NDFIP2: variants seen among roughly 807,000 people sequenced by gnomAD.
The protein encoded by NDFIP2 is NEDD4 family-interacting protein 2.
Under a neutral mutation model 36.0 loss-of-function variants are expected in NDFIP2, and 19 were observed. The ratio of observed to expected loss-of-function variants is 0.53; its 90% confidence interval spans 0.37 to 0.77. The LOEUF (loss-of-function observed/expected upper bound fraction) is 0.77, where lower values mean the gene tolerates loss of function less well. Among genes scored for constraint, NDFIP2 ranks in the 30% least tolerant of loss-of-function variants. The pLI is 0.00. For missense variants in NDFIP2, 446 were observed against 435.8 expected, an observed-to-expected ratio of 1.02 and a Z score of -0.21; for synonymous variants, 181 against 167.7, an observed-to-expected ratio of 1.08 and a Z score of -0.61.
intron 1 of NDFIP2, among the ~76,000 whole-genome samples, chr13:79,493,024 G>A (rs1412590235): frequency 1.3e-5 from 2 of 151,434 alleles, no homozygotes; most frequent in African/African-American, 2.4e-5. Flanking sequence ...CAAGTTCTGC[G>A]TGTTCTTTTA....
In NDFIP2 at chr13:79,509,837, C is replaced by A. The variant is rs572769025; in HGVS notation, c.322-10973C>A. On this transcript the variant is annotated intron_variant, in intron 1 of 7. Coordinates refer to ENST00000218652, the MANE Select transcript of NDFIP2 (RefSeq NM_019080.3). The stretch of plus-strand genomic sequence containing the variant: ...TCTGATGTTTGAGGGCAGGAAGCAT[C>A]CAGCACAGGAAAAAGATGTAAGCAG... 1.2e-4 allele frequency among the ~76,000 whole-genome samples: 18 copies of A among 152,214 alleles called. 1 individual carries two copies. The South Asian group carries it at 3.7e-3, about 32-fold the overall frequency.
chr13:79,536,484 GCTCT>G (rs1033457951), intron 3 of NDFIP2, among the ~76,000 whole-genome samples: 3 of 152,172 alleles, frequency 2.0e-5, no homozygotes, highest in Non-Finnish European at 2.9e-5. Flanking sequence ...TTCTGTTACA[GCTCT>G]CTATTTTAAA....
chr13:79,481,292 C>T lies in NDFIP2; in HGVS notation c.89C>T (p.Thr30Ile). ...GGCGCCCCGGAGCTTCTCCGCGGAA[C>T]CGCGACCAACGCGGAGGTCTCGGCG... ...ARGAPELLRG[T>I]ATNAEVSAAA... is the part of the protein sequence containing the mutation. Residue 30 changes from threonine to isoleucine, a missense_variant, in exon 1 of 8, where the codon ACC (threonine) becomes ATC (isoleucine). By Grantham distance (89) the Thr-to-Ile change is moderately conservative. Coordinates refer to ENST00000218652, the MANE Select transcript of NDFIP2 (RefSeq NM_019080.3). 1.9e-6 allele frequency: 3 copies of T among 1,539,832 alleles called. No homozygotes were observed. The highest frequency in any genetic ancestry group is 1.2e-5 in the South Asian group (1 of 83,996).
intron 6 of NDFIP2, among the ~76,000 whole-genome samples, chr13:79,549,415 T>C (rs1875815452): frequency 6.6e-6 from 1 of 151,924 alleles, no homozygotes; most frequent in South Asian, 2.1e-4. Context: ...TGTGTGTATA[T>C]ATATATTATT....
intron 3 of NDFIP2, among the ~76,000 whole-genome samples, chr13:79,534,350 G>GTTTTT (rs532659161): frequency 1.8e-3 from 169 of 95,378 alleles, no homozygotes; most frequent in South Asian, 4.3e-3. Context: ...TTTGTCAGCT[G>GTTTTT]TTTTTTTTTT....
intron 2 of NDFIP2, among the ~76,000 whole-genome samples, chr13:79,522,517 T>A (rs1874626330): frequency 6.6e-6 from 1 of 152,338 alleles, no homozygotes; most frequent in Non-Finnish European, 1.5e-5. Context: ...ATCAATCATT[T>A]ATTACTGTTA....
chr13:79,531,846 T>C (rs962927721), intron 2 of NDFIP2, among the ~76,000 whole-genome samples: 8 of 152,260 alleles, frequency 5.3e-5, no homozygotes, highest in Admixed American at 2.6e-4. Flanking sequence ...ATTACTCATG[T>C]GTTCACTGTA....
rs139821502 is a variant in NDFIP2 at position 79,509,503 on chromosome 13, T to C, written c.322-11307T>C. On this transcript the variant is annotated intron_variant, in intron 1 of 7. Transcript: ENST00000218652. ...CTTCTTATCAGACCTACAGAGTCTG[T>C]TCTGTCAGCCTTAAGGTCTGTTTTG... Among the ~76,000 whole-genome samples, 324 of 152,160 alleles carry C rather than the reference T, an allele frequency of 2.1e-3. 3 individuals carry two copies. Among genetic ancestry groups the C allele is most frequent in the African/African-American group, 7.1e-3 (293 of 41,516 alleles).
rs909026385 is a variant in NDFIP2, at chr13:79,541,458, T to G, written c.715+1683T>G. 1.3e-5 allele frequency among the ~76,000 whole-genome samples: 2 copies of G among 151,502 alleles called. 1 individual carries two copies. The highest frequency in any genetic ancestry group is 4.8e-5 in the African/African-American group (2 of 41,384). ...AATATATATTTTACTAAATTTTTAC[T>G]AAATTGTTTCCACAACTTATATATT... is the stretch of plus-strand genomic sequence containing the variant. On this transcript the variant is annotated intron_variant, in intron 4 of 7. Transcript: ENST00000218652.
At chr13:79,526,587 C>T (rs1160581454) in intron 2 of NDFIP2, among the ~76,000 whole-genome samples, 1 of 152,050 alleles carries the variant, frequency 6.6e-6, no homozygotes, top group Non-Finnish European at 1.5e-5. Context: ...ATAGAGTCAT[C>T]CAAGGACTTT....
chr13:79,518,950 A>G (rs1874455825), intron 1 of NDFIP2: 1 of 152,358 alleles, frequency 6.6e-6, no homozygotes, highest in Non-Finnish European at 1.5e-5. Flanking sequence ...CTGGGACTAC[A>G]GTCACATGCC....
chr13:79,497,174 A>T (rs1205737937), intron 1 of NDFIP2, among the ~76,000 whole-genome samples: 1 of 152,022 alleles, frequency 6.6e-6, no homozygotes. Context: ...CCATAGATTC[A>T]GATTGTAAGC....
At position 79,487,098 on chromosome 13, in the gene NDFIP2, A is replaced by G. The variant is rs538439562; in HGVS notation, c.321+5574A>G. On this transcript the variant is annotated intron_variant, in intron 1 of 7. Transcript: ENST00000218652. ...CAACATATACATTTTGGAGAGACAC[A>G]AACATTCAGTTTGTACCACTGCCCT... Among the ~76,000 whole-genome samples the G allele has an allele frequency of 2.0e-5, 3 of 152,284 alleles. No homozygotes were observed. In the East Asian group the frequency reaches 5.8e-4, roughly 29 times the overall value.
chr13:79,523,207 GTTGT>G (rs1223822950), intron 2 of NDFIP2, among the ~76,000 whole-genome samples: 10 of 152,002 alleles, frequency 6.6e-5, no homozygotes, highest in Admixed American at 1.3e-4. Flanking sequence ...TATACATACT[GTTGT>G]TTGTTTGTTT....
At chr13:79,533,767 C>T (rs1254509134) in intron 3 of NDFIP2, among the ~76,000 whole-genome samples, 2 of 150,726 alleles carry the variant, frequency 1.3e-5, no homozygotes, top group East Asian at 3.9e-4. Context: ...TATGTATTAT[C>T]GACTGTTTAT....
chr13:79,534,003 C>G (rs1875125529), intron 3 of NDFIP2, among the ~76,000 whole-genome samples: 1 of 152,138 alleles, frequency 6.6e-6, no homozygotes. Flanking sequence ...CCTTGACTTC[C>G]TCTTTTCTAT....
At chr13:79,488,151 T>C (rs1270683178) in intron 1 of NDFIP2, among the ~76,000 whole-genome samples, 2 of 152,132 alleles carry the variant, frequency 1.3e-5, no homozygotes, top group Admixed American at 6.6e-5. Flanking sequence ...AAAAAACTAA[T>C]TGAGGAAATG....
chr13:79,521,149 ATG>A (rs1874566685), intron 2 of NDFIP2, among the ~76,000 whole-genome samples, 174 bp downstream of exon 2: 1 of 152,090 alleles, frequency 6.6e-6, no homozygotes, highest in African/African-American at 2.4e-5. Flanking sequence ...ACACATATAT[ATG>A]TGTGTATGTA....
chr13:79,543,898 AAAT>A (rs1490989171), intron 5 of NDFIP2, among the ~76,000 whole-genome samples: 2 of 152,158 alleles, frequency 1.3e-5, no homozygotes, highest in African/African-American at 4.8e-5. Flanking sequence ...AAGAACTTTG[AAAT>A]AATAAAAATT....
Sources: gnomAD v4.1 joint callset for allele counts (sites outside exome capture counted in the v4.1 genomes callset) on GRCh38, gnomAD v4.1.1 for gene constraint, MANE v1.5 for transcripts, NCBI Gene and HGNC (gene_info 2026-07-23, HGNC 2026-07-21) for gene names.